SLCO3A1: variants seen among roughly 807,000 people sequenced by gnomAD.
SLCO3A1 encodes the protein PGE1 transporter.
A neutral mutation model predicts 63.1 loss-of-function variants in SLCO3A1; 27 were observed. The observed-to-expected ratio is 0.43, with a 90% CI of 0.32 to 0.59. The LOEUF is 0.59. Among genes scored for constraint, SLCO3A1 ranks in the 20% least tolerant of loss-of-function variants. The probability of loss-of-function intolerance (pLI) is 0.09; values close to 1 mark genes in which losing one functional copy is unlikely to be tolerated. For missense variants in SLCO3A1, 773 were observed against 945.8 expected, an observed-to-expected ratio of 0.82 and a Z score of 2.40; for synonymous variants, 473 against 409.9, an observed-to-expected ratio of 1.15 and a Z score of -1.86.
chr15:91,873,235 A>G (rs757856348), intron 1 of SLCO3A1, among the ~76,000 whole-genome samples: 1 of 152,144 alleles, frequency 6.6e-6, no homozygotes, highest in Non-Finnish European at 1.5e-5. Context: ...CTGATGGGAG[A>G]GCCATCTATT....
chr15:92,071,651 C>T (rs963096155), intron 2 of SLCO3A1, among the ~76,000 whole-genome samples: 1 of 152,182 alleles, frequency 6.6e-6, no homozygotes, highest in Admixed American at 6.5e-5. Flanking sequence ...GGAACGCAGG[C>T]CACTGGCAGA....
chr15:92,136,273 T>G (rs2048056103), intron 7 of SLCO3A1, among the ~76,000 whole-genome samples: 1 of 152,172 alleles, frequency 6.6e-6, no homozygotes, highest in African/African-American at 2.4e-5. Flanking sequence ...AAATAATCTT[T>G]CCACCTTGAA....
rs556549974 is a variant in SLCO3A1, at chr15:92,079,625, T to A, written c.647-15256T>A. Among the ~76,000 whole-genome samples, 3 of 152,342 alleles carry A rather than the reference T, an allele frequency of 2.0e-5. No individual in the cohort carries two copies. In the East Asian group the frequency reaches 5.8e-4, roughly 29 times the overall value. On this transcript the variant is annotated intron_variant, in intron 2 of 9. Coordinates refer to ENST00000318445, the MANE Select transcript of SLCO3A1 (RefSeq NM_013272.4). ...AGCCCTATCTCTGAACACAATCACG[T>A]GCTGAGGTTCCCGCGGCCAGGGCTT...
chr15:92,000,673 A>C (rs2046243113), intron 2 of SLCO3A1, among the ~76,000 whole-genome samples: 1 of 152,238 alleles, frequency 6.6e-6, no homozygotes, highest in South Asian at 2.1e-4. Context: ...TATTGTGTTT[A>C]AAAGGCTTCG....
rs192825716 is a variant in SLCO3A1 at position 91,875,651 on chromosome 15, C to T, written c.180+21563C>T. ...GGTCCCTGGAGACAGTTGCTCAGTCCGTGTTTTGCTTTGAAGGTTTTGCCG... is the reference window on the plus strand; with the variant it reads ...GGTCCCTGGAGACAGTTGCTCAGTCTGTGTTTTGCTTTGAAGGTTTTGCCG... On this transcript the variant is annotated intron_variant, in intron 1 of 9. Transcript: ENST00000318445. The surrounding 1 kb of genome is among the most constrained non-coding windows in gnomAD (Gnocchi z 4.5). 8.5e-5 allele frequency among the ~76,000 whole-genome samples: 13 copies of T among 152,272 alleles called. No homozygotes were observed. Among genetic ancestry groups the T allele is most frequent in the Admixed American group, 8.5e-4 (13 of 15,294 alleles).
intron 2 of SLCO3A1, among the ~76,000 whole-genome samples, chr15:91,999,859 A>G (rs2046232693): frequency 6.6e-6 from 1 of 152,252 alleles, no homozygotes; most frequent in Non-Finnish European, 1.5e-5. Flanking sequence ...CAGCAAATCT[A>G]CAAATACAAA....
At chr15:91,891,550 T>C (rs1597095144) in intron 1 of SLCO3A1, among the ~76,000 whole-genome samples, 1 of 152,184 alleles carries the variant, frequency 6.6e-6, no homozygotes, top group African/African-American at 2.4e-5. Flanking sequence ...GGTTAGCCCC[T>C]AGAGTACCCT....
chr15:91,953,244 C>G (rs920838232), intron 2 of SLCO3A1, among the ~76,000 whole-genome samples: 1 of 152,172 alleles, frequency 6.6e-6, no homozygotes, highest in Non-Finnish European at 1.5e-5. Flanking sequence ...TTCGCTCACT[C>G]GTTTGTTCTA....
At chr15:92,105,905 C>T (rs142013544) in intron 4 of SLCO3A1, among the ~76,000 whole-genome samples, 149 of 152,264 alleles carry the variant, frequency 9.8e-4, no homozygotes, top group African/African-American at 3.5e-3. Flanking sequence ...TTCTGTGTAA[C>T]AATGTGCGCC....
rs1897698285 is a variant in SLCO3A1 at position 91,885,413 on chromosome 15, G to T, written c.181-30580G>T. ...AAGCCAGAATGCCCTTCCCAAAGCT[G>T]CCCTAGCTCCTGTGTTTCAGGAAGA... On this transcript the variant is annotated intron_variant, in intron 1 of 9. Coordinates refer to ENST00000318445, the MANE Select transcript of SLCO3A1 (RefSeq NM_013272.4). This position sits in a 1 kb window ranked among gnomAD's most constrained non-coding sequence, Gnocchi z 4.7. Among the ~76,000 whole-genome samples, 1 of 152,188 alleles carries T rather than the reference G, an allele frequency of 6.6e-6. No homozygotes were observed. The highest frequency in any genetic ancestry group is 2.4e-5 in the African/African-American group (1 of 41,452).
At chr15:91,990,808 C>G (rs2046117307) in intron 2 of SLCO3A1, among the ~76,000 whole-genome samples, 1 of 152,108 alleles carries the variant, frequency 6.6e-6, no homozygotes, top group African/African-American at 2.4e-5. Context: ...GAATACAGCT[C>G]TTAAACTCAA....
chr15:91,927,908 C>T (rs970713575), intron 2 of SLCO3A1, among the ~76,000 whole-genome samples: 3 of 152,196 alleles, frequency 2.0e-5, no homozygotes, highest in African/African-American at 4.8e-5. Flanking sequence ...TAAATCATTT[C>T]GCCAACCCTG....
At chr15:91,923,654 T>A (rs905579285) in intron 2 of SLCO3A1, among the ~76,000 whole-genome samples, 1 of 152,198 alleles carries the variant, frequency 6.6e-6, no homozygotes, top group Admixed American at 6.5e-5. Context: ...TTAGTAACAT[T>A]GAGAAAAACA....
intron 2 of SLCO3A1, among the ~76,000 whole-genome samples, chr15:92,017,102 C>T (rs769035049): frequency 6.6e-6 from 1 of 152,094 alleles, no homozygotes; most frequent in Non-Finnish European, 1.5e-5. Context: ...CCATAAAAAG[C>T]GACTAGATAC....
At chr15:92,139,091 A>G (rs1279581799) in intron 7 of SLCO3A1, among the ~76,000 whole-genome samples, 5 of 148,678 alleles carry the variant, frequency 3.4e-5, no homozygotes, top group Non-Finnish European at 7.4e-5. Context: ...TTGCCCATTC[A>G]GTATGATATT....
In SLCO3A1 at chr15:91,922,334, T is replaced by G. The variant is rs571494751; in HGVS notation, c.646+5876T>G. Among the ~76,000 whole-genome samples, 12 of 152,282 alleles carry G rather than the reference T, an allele frequency of 7.9e-5. No individual in the cohort carries two copies. In the East Asian group the frequency reaches 2.3e-3, roughly 29 times the overall value. Reference sequence around the variant, plus strand: ...TGTTTGCCTGAATACACAGAACAAGTGCTCTAACTCAGGAGGCACACGTAT... The same window carrying G: ...TGTTTGCCTGAATACACAGAACAAGGGCTCTAACTCAGGAGGCACACGTAT... On this transcript the variant is annotated intron_variant, in intron 2 of 9. Coordinates refer to ENST00000318445, the MANE Select transcript of SLCO3A1 (RefSeq NM_013272.4).
chr15:91,988,646 G>T (rs543630926), intron 2 of SLCO3A1, among the ~76,000 whole-genome samples: 5 of 152,132 alleles, frequency 3.3e-5, no homozygotes, highest in Admixed American at 6.5e-5. Flanking sequence ...TTCCACCACA[G>T]ATTGCTGGTC....
intron 7 of SLCO3A1, among the ~76,000 whole-genome samples, chr15:92,144,978 G>C: frequency 6.6e-6 from 1 of 152,146 alleles, no homozygotes; most frequent in East Asian, 1.9e-4. Context: ...AGAGCAGGTG[G>C]GAAAGAGGAG....
At chr15:91,983,665 G>A (rs1291773631) in intron 2 of SLCO3A1, among the ~76,000 whole-genome samples, 3 of 152,268 alleles carry the variant, frequency 2.0e-5, no homozygotes, top group East Asian at 1.9e-4. Flanking sequence ...GGGAGGCCAC[G>A]GGGACTGTAA....
Sources: allele counts gnomAD v4.1 joint callset (sites outside exome capture counted in the v4.1 genomes callset), GRCh38; gene constraint gnomAD v4.1.1; non-coding constraint Gnocchi (gnomAD v3.1); transcripts MANE v1.5; gene names NCBI Gene and HGNC (gene_info 2026-07-23, HGNC 2026-07-21).